ENPP7: variants seen among roughly 807,000 people sequenced by gnomAD.
ENPP7 encodes ectonucleotide pyrophosphatase/phosphodiesterase 7.
A neutral mutation model predicts 33.6 loss-of-function variants in ENPP7; 39 were observed. The observed-to-expected ratio is 1.16, with a 90% CI of 0.90 to 1.52. The LOEUF (loss-of-function observed/expected upper bound fraction) is 1.52, where lower values mean the gene tolerates loss of function less well. ENPP7 is among the 40% of genes most tolerant of loss of function. The pLI is 0.00. For missense variants in ENPP7, 594 were observed against 641.0 expected (o/e 0.93, Z 0.79); for synonymous variants, 244 against 274.3 (o/e 0.89, Z 1.09).
rs565738736 is a variant in ENPP7 at position 79,735,828 on chromosome 17, G to A, written c.1026+159G>A. ...CAGCCTTAAACTCCCAGACTCAAGC[G>A]ATCCTTCCACCTCAGCCTCCTGAGT... On this transcript the variant is annotated intron_variant, in intron 3 of 5. Transcript: ENST00000328313. This position sits in a 1 kb window ranked among gnomAD's most constrained non-coding sequence, Gnocchi z 5.5. Among the ~76,000 whole-genome samples, 4 of 152,114 alleles carry A rather than the reference G, an allele frequency of 2.6e-5. No individual in the cohort carries two copies. The South Asian group carries it at 6.2e-4, about 24-fold the overall frequency.
At position 79,733,425 on chromosome 17, in the gene ENPP7, A is replaced by G. The variant is rs974599689; in HGVS notation, c.254-83A>G. 1.4e-5 allele frequency: 20 copies of G among 1,442,888 alleles called. No individual in the cohort carries two copies. The Admixed American group carries it at 2.0e-4, about 14-fold the overall frequency. 89.4% of individuals were successfully genotyped at this position (1,442,888 alleles called of 1,614,324 possible). A position where few individuals can be genotyped will look rare whatever the true frequency, so the allele number is the denominator to read the frequency against. On this transcript the variant is annotated intron_variant, in intron 1 of 5. Transcript: ENST00000328313. ...ACACAGGGAAACCTGGGCTGTTTTGACTTCGCCTCTTCCAGCCCTGGGTCC... is the reference window on the plus strand; with the variant it reads ...ACACAGGGAAACCTGGGCTGTTTTGGCTTCGCCTCTTCCAGCCCTGGGTCC...
At position 79,737,073 on chromosome 17, in the gene ENPP7, C is replaced by T. The variant is rs782324578; in HGVS notation, c.1059C>T (p.His353=). The change falls in exon 4 of 6, where the codon CAC becomes CAT. Residue 353 remains histidine, a synonymous_variant. Transcript: ENST00000328313. The surrounding 1 kb of genome is among the most constrained non-coding windows in gnomAD (Gnocchi z 5.5). ...ACGTCCAGTTCAACAATGGGGAGCACGGCTTTGACAACAAGGACATGGACA... is the reference window on the plus strand; with the variant it reads ...ACGTCCAGTTCAACAATGGGGAGCATGGCTTTGACAACAAGGACATGGACA... The part of the protein sequence containing the change: ...RINVQFNNGE[H]GFDNKDMDMK... 136 of 1,614,022 alleles carry T rather than the reference C, an allele frequency of 8.4e-5. No homozygotes were observed. Among genetic ancestry groups the T allele is most frequent in the East Asian group, 2.2e-5 (1 of 44,888 alleles).
At position 79,737,374 on chromosome 17, in the gene ENPP7, C is replaced by T. The variant is rs1555823854; in HGVS notation, c.1246+114C>T. ...CTTGAGCCCCAAGTGGGGCCACCTC[C>T]CCTGGCTTTGGAGAACACCAGAATC... On this transcript the variant is annotated intron_variant, in intron 4 of 5. Transcript: ENST00000328313. This position sits in a 1 kb window ranked among gnomAD's most constrained non-coding sequence, Gnocchi z 5.5. The T allele has an allele frequency of 1.2e-6, 1 of 829,494 alleles. No individual in the cohort carries two copies. The highest frequency in any genetic ancestry group is 1.7e-5 in the African/African-American group (1 of 59,308). The allele number at this position is 829,494 out of a possible 1,614,324, so 51.4% of individuals were successfully genotyped here.
chr17:79,731,534 C>T (rs1315911373), intron 1 of ENPP7, 142 bp downstream of exon 1: 1 of 1,110,864 alleles, frequency 9.0e-7, no homozygotes, highest in African/African-American at 1.6e-5. Flanking sequence ...GGAATCCTCA[C>T]CGTTGGTAGC....
rs782761329 is a variant in ENPP7, at chr17:79,735,298, G to C, written c.655G>C (p.Val219Leu). ...GGAGAGGAGGGAGATGGTGCGGCAGGTGGACCGGACCGTGGGCTACCTCCG... is the reference window on the plus strand; with the variant it reads ...GGAGAGGAGGGAGATGGTGCGGCAGCTGGACCGGACCGTGGGCTACCTCCG... The part of the protein sequence containing the change: ...SPERREMVRQ[V>L]DRTVGYLRES... Residue 219 changes from valine (V) to leucine (L), a missense_variant, in exon 3 of 6, where the codon GTG (valine) becomes CTG (leucine). Physicochemically the swap from Val to Leu is conservative, Grantham distance 32. Coordinates refer to ENST00000328313, the MANE Select transcript of ENPP7 (RefSeq NM_178543.5). This position sits in a 1 kb window ranked among gnomAD's most constrained non-coding sequence, Gnocchi z 5.5. 23 of 1,613,280 alleles carry C rather than the reference G, an allele frequency of 1.4e-5. No individual in the cohort carries two copies. Among genetic ancestry groups the C allele is most frequent in the Non-Finnish European group, 1.9e-5 (23 of 1,180,010 alleles).
At position 79,735,528 on chromosome 17, in the gene ENPP7, G is replaced by T. The variant is rs374131130; in HGVS notation, c.885G>T (p.Lys295Asn). 3 of 1,613,846 alleles carry T rather than the reference G, an allele frequency of 1.9e-6. No individual in the cohort carries two copies. The African/African-American group carries it at 4.0e-5, about 22-fold the overall frequency. The change falls in exon 3 of 6, where the codon AAG (lysine) becomes AAT (asparagine). Residue 295 changes from lysine (K) to asparagine (N), a missense_variant. Lys to Asn is a moderately conservative substitution (Grantham distance 94). Around this residue, in one of 3 missense-constraint regions of ENPP7, gnomAD observed 504 missense variants for 512.8 expected, o/e 0.98. Transcript: ENST00000328313. This position sits in a 1 kb window ranked among gnomAD's most constrained non-coding sequence, Gnocchi z 5.5. ...TCCCTAAAGAAGGGAGGCTGGAGAAGGTGTACGATGCCCTCAAGGACGCCC... is the reference window on the plus strand; with the variant it reads ...TCCCTAAAGAAGGGAGGCTGGAGAATGTGTACGATGCCCTCAAGGACGCCC... ...MLLPKEGRLEKVYDALKDAHP... is the reference protein window; with the variant it reads ...MLLPKEGRLENVYDALKDAHP...
At position 79,735,445 on chromosome 17, in the gene ENPP7, T is replaced by C. The variant is rs782491213; in HGVS notation, c.802T>C (p.Phe268Leu). ...GGTTGAATTCCACAAGTTCCCCAAC[T>C]TCACCTTCCGGGACATCGAGTTTGA... The part of the protein sequence containing the change: ...DLVEFHKFPN[F>L]TFRDIEFELL... Residue 268 changes from phenylalanine to leucine, a missense_variant, in exon 3 of 6, where the codon TTC (phenylalanine) becomes CTC (leucine). Coordinates refer to ENST00000328313, the MANE Select transcript of ENPP7 (RefSeq NM_178543.5). This position sits in a 1 kb window ranked among gnomAD's most constrained non-coding sequence, Gnocchi z 5.5. 2 of 1,614,084 alleles carry C rather than the reference T, an allele frequency of 1.2e-6. No individual in the cohort carries two copies. Among genetic ancestry groups the C allele is most frequent in the South Asian group, 2.2e-5 (2 of 91,080 alleles).
intron 2 of ENPP7, among the ~76,000 whole-genome samples, chr17:79,734,103 G>C (rs77240484): frequency 0.063 from 9,575 of 152,090 alleles, 374 homozygotes; most frequent in South Asian, 0.12. Context: ...AAGGGCCAAA[G>C]ACAAAATGAG....
chr17:79,730,996 C>A lies in ENPP7; in HGVS notation c.-144C>A. On this transcript the variant is annotated 5_prime_UTR_variant, in exon 1 of 6. Coordinates refer to ENST00000328313, the MANE Select transcript of ENPP7 (RefSeq NM_178543.5). ...CACTGACACGGCTGGGGAGCCCACT[C>A]CCGAGGTTCGACCCGGGGATGTGCA... The A allele has an allele frequency of 1.1e-6, 1 of 881,126 alleles. No homozygotes were observed. The highest frequency in any genetic ancestry group is 1.7e-6 in the Non-Finnish European group (1 of 594,286). The allele number at this position is 881,126 out of a possible 1,614,324, so 54.6% of individuals were successfully genotyped here.
At position 79,735,443 on chromosome 17, in the gene ENPP7, A is replaced by G. The variant is rs2094293765; in HGVS notation, c.800A>G (p.Asn267Ser). The G allele has an allele frequency of 6.2e-7, 1 of 1,613,956 alleles. No individual in the cohort carries two copies. Among genetic ancestry groups the G allele is most frequent in the African/African-American group, 1.3e-5 (1 of 74,998 alleles). ...CTGGTTGAATTCCACAAGTTCCCCA[A>G]CTTCACCTTCCGGGACATCGAGTTT... ...GDLVEFHKFPNFTFRDIEFEL... is the reference protein window; with the variant it reads ...GDLVEFHKFPSFTFRDIEFEL... Residue 267 changes from asparagine (N) to serine (S), a missense_variant, in exon 3 of 6, where the codon AAC (asparagine) becomes AGC (serine). This residue lies in a region of ENPP7 where 504 missense variants were observed against 512.8 expected (regional missense o/e 0.98). Transcript: ENST00000328313. This position sits in a 1 kb window ranked among gnomAD's most constrained non-coding sequence, Gnocchi z 5.5.
At chr17:79,733,096 G>A (rs373908334) in intron 1 of ENPP7, among the ~76,000 whole-genome samples, 1 of 152,186 alleles carries the variant, frequency 6.6e-6, no homozygotes, top group African/African-American at 2.4e-5. Context: ...ATTCCTGCCT[G>A]GGATCTCGTC....
chr17:79,731,024 G>A lies in ENPP7; in HGVS notation c.-116G>A. 1 of 1,205,140 alleles carries A rather than the reference G, an allele frequency of 8.3e-7. No homozygotes were observed. The highest frequency in any genetic ancestry group is 1.6e-5 in the South Asian group (1 of 64,082). 74.7% of individuals were successfully genotyped at this position (1,205,140 alleles called of 1,614,324 possible). On this transcript the variant is annotated 5_prime_UTR_variant, in exon 1 of 6. Transcript: ENST00000328313. ...GAGGTTCGACCCGGGGATGTGCACA[G>A]CCACATTCCAAAGGCGCACGGGATG...
rs1435387671 is a variant in ENPP7, at chr17:79,739,508, C to T, written c.*16+1446C>T. 1.3e-5 allele frequency: 2 copies of T among 152,206 alleles called. No homozygotes were observed. The highest frequency in any genetic ancestry group is 2.4e-5 in the African/African-American group (1 of 41,426). 9.4% of individuals were successfully genotyped at this position (152,206 alleles called of 1,614,324 possible). ...AAATACCTTTAAGAGGCACGACATT[C>T]GAGGTTTGTGGACAGATTATGTGGG... On this transcript the variant is annotated intron_variant, in intron 5 of 5. Coordinates refer to ENST00000328313, the MANE Select transcript of ENPP7 (RefSeq NM_178543.5). The surrounding 1 kb of genome is among the most constrained non-coding windows in gnomAD (Gnocchi z 4.4).
chr17:79,733,822 C>T (rs2094290523), intron 2 of ENPP7, among the ~76,000 whole-genome samples, 169 bp downstream of exon 2: 1 of 152,154 alleles, frequency 6.6e-6, no homozygotes, highest in Non-Finnish European at 1.5e-5. Context: ...CCAAAAGGGG[C>T]AGGTGGTGGG....
At chr17:79,741,704 C>T (rs1470550141) in intron 5 of ENPP7, 90 bp from the exon 6 acceptor site, 1 of 653,386 alleles carries the variant, frequency 1.5e-6, no homozygotes, top group Non-Finnish European at 1.9e-6. Context: ...CCAGTCCAGC[C>T]GCACCGCTGC....
At position 79,737,068 on chromosome 17, in the gene ENPP7, G is replaced by C. The variant is rs1378616682; in HGVS notation, c.1054G>C (p.Glu352Gln). 2 of 1,614,138 alleles carry C rather than the reference G, an allele frequency of 1.2e-6. No homozygotes were observed. The highest frequency in any genetic ancestry group is 2.7e-5 in the African/African-American group (2 of 75,072). Residue 352 changes from glutamate (E) to glutamine (Q), a missense_variant, in exon 4 of 6, where the codon GAG (glutamate) becomes CAG (glutamine). Glu to Gln is a conservative substitution (Grantham distance 29, BLOSUM62 2). Coordinates refer to ENST00000328313, the MANE Select transcript of ENPP7 (RefSeq NM_178543.5). This position sits in a 1 kb window ranked among gnomAD's most constrained non-coding sequence, Gnocchi z 5.5. ...AATTAACGTCCAGTTCAACAATGGG[G>C]AGCACGGCTTTGACAACAAGGACAT... ...GRINVQFNNG[E>Q]HGFDNKDMDM...
intron 5 of ENPP7, among the ~76,000 whole-genome samples, chr17:79,740,122 C>T (rs1228615125): frequency 1.3e-5 from 2 of 152,046 alleles, no homozygotes; most frequent in South Asian, 2.1e-4. Context: ...CGCTGGAGCC[C>T]GGGAGGTGGA....
chr17:79,735,006 T>G lies in ENPP7; in HGVS notation c.400-37T>G, dbSNP rs2094292437. On this transcript the variant is annotated intron_variant, in intron 2 of 5. Coordinates refer to ENST00000328313, the MANE Select transcript of ENPP7 (RefSeq NM_178543.5). The surrounding 1 kb of genome is among the most constrained non-coding windows in gnomAD (Gnocchi z 5.5). ...AGGCATGAGACAAGGGGCAGCCCACTGAGGAGTCCTGTCTTTCACGCTGCC... is the reference window on the plus strand; with the variant it reads ...AGGCATGAGACAAGGGGCAGCCCACGGAGGAGTCCTGTCTTTCACGCTGCC... The G allele has an allele frequency of 6.2e-7, 1 of 1,601,026 alleles. No individual in the cohort carries two copies. The highest frequency in any genetic ancestry group is 8.5e-7 in the Non-Finnish European group (1 of 1,172,638).
chr17:79,731,980 C>T (rs112460278), intron 1 of ENPP7, among the ~76,000 whole-genome samples: 20,015 of 151,466 alleles, frequency 0.13, 1,473 homozygotes, highest in African/African-American at 0.18. Flanking sequence ...TGCTTGTAAT[C>T]CCAGCTACTT....
Sources: allele counts gnomAD v4.1 joint callset (sites outside exome capture counted in the v4.1 genomes callset), GRCh38; gene constraint gnomAD v4.1.1; regional missense constraint gnomAD v4.1.1; non-coding constraint Gnocchi (gnomAD v3.1); transcripts MANE v1.5; gene names NCBI Gene and HGNC (gene_info 2026-07-23, HGNC 2026-07-21).